PSEN1: variants seen among roughly 807,000 people sequenced by gnomAD.
PSEN1 encodes the protein presenilin 1.
PSEN1 carries 15 observed loss-of-function variants against 53.5 expected under a neutral mutation model. The ratio of observed to expected loss-of-function variants is 0.28; its 90% CI spans 0.19 to 0.43. The LOEUF (loss-of-function observed/expected upper bound fraction) is 0.43. Among genes scored for constraint, PSEN1 ranks in the 20% least tolerant of loss-of-function variants. The pLI, the probability that PSEN1 is intolerant of heterozygous loss-of-function variation, is 1.00. For synonymous variants in PSEN1, 208 were observed against 209.8 expected, an observed-to-expected ratio of 0.99 and a Z score of 0.08; for missense variants, 387 against 571.2, an observed-to-expected ratio of 0.68 and a Z score of 3.29.
chr14:73,138,084 C>A (rs1202560392), intron 1 of PSEN1: 1 of 150,276 alleles, frequency 6.7e-6, no homozygotes, highest in Non-Finnish European at 1.5e-5. Flanking sequence ...AAAAAAAAAA[C>A]CTGTTTTGTT....
chr14:73,179,823 A>G (rs1027286619), intron 5 of PSEN1, among the ~76,000 whole-genome samples: 1 of 152,104 alleles, frequency 6.6e-6, no homozygotes, highest in African/African-American at 2.4e-5. Context: ...ACCTCTCATT[A>G]CTTTTCATCT....
intron 5 of PSEN1, among the ~76,000 whole-genome samples, chr14:73,185,639 C>T (rs1051661645): frequency 2.0e-5 from 3 of 151,928 alleles, no homozygotes; most frequent in East Asian, 1.9e-4. Context: ...AGAGGGAGAG[C>T]GCTTAAAACA....
Position 73,201,415 on chromosome 14 carries a change from A to T in PSEN1, c.868+3286A>T, listed in dbSNP as rs150357761. 3.1e-3 allele frequency among the ~76,000 whole-genome samples: 479 copies of T among 152,238 alleles called. 2 individuals carry two copies. Among genetic ancestry groups the T allele is most frequent in the African/African-American group, 8.7e-3 (363 of 41,556 alleles). ...ATATCATTTTTTATAAAGAAGTCAA[A>T]GGTAATGAGGACTAAGTAAAACCAT... On this transcript the variant is annotated intron_variant, in intron 8 of 11. Transcript: ENST00000324501.
intron 3 of PSEN1, among the ~76,000 whole-genome samples, chr14:73,152,057 G>T (rs1435166733): frequency 6.7e-6 from 1 of 149,990 alleles, no homozygotes; most frequent in South Asian, 2.1e-4. Context: ...GACTACAGGC[G>T]CCCGCCACCA....
chr14:73,204,794 T>C lies in PSEN1; in HGVS notation c.869-1592T>C, dbSNP rs145607385. ...GCTCATGCCTGTAATCCTAGCACTT[T>C]GGGAGGCTGAGGCGGGAGGATTGCT... On this transcript the variant is annotated intron_variant, in intron 8 of 11. Coordinates refer to ENST00000324501, the MANE Select transcript of PSEN1 (RefSeq NM_000021.4). 8.2e-3 allele frequency among the ~76,000 whole-genome samples: 1,247 copies of C among 152,288 alleles called. 21 individuals carry two copies. The highest frequency in any genetic ancestry group is 0.029 in the African/African-American group (1,191 of 41,554).
At chr14:73,173,061 G>A (rs765979077) in intron 4 of PSEN1, among the ~76,000 whole-genome samples, 3 of 152,132 alleles carry the variant, frequency 2.0e-5, no homozygotes, top group Non-Finnish European at 2.9e-5. Flanking sequence ...TTGGCACCTG[G>A]AATAAAAATG....
chr14:73,187,962 G>T (rs1229765378), intron 6 of PSEN1, among the ~76,000 whole-genome samples: 3 of 151,486 alleles, frequency 2.0e-5, no homozygotes, highest in African/African-American at 7.3e-5. Flanking sequence ...TGAGTCTCAC[G>T]CTGTTGCCCA....
intron 1 of PSEN1, chr14:73,138,189 CTATTATT>C (rs1200511275): frequency 1.4e-5 from 2 of 142,022 alleles, no homozygotes; most frequent in Non-Finnish European, 3.0e-5. Context: ...AATAAACATA[CTATTATT>C]TATTTATTTA....
chr14:73,139,948 T>C (rs1048350410), intron 1 of PSEN1, among the ~76,000 whole-genome samples: 1 of 152,212 alleles, frequency 6.6e-6, no homozygotes, highest in African/African-American at 2.4e-5. Context: ...CAGGCAATGC[T>C]AAATATAACA....
chr14:73,213,355 C>T (rs894128236), intron 10 of PSEN1, among the ~76,000 whole-genome samples: 4 of 151,994 alleles, frequency 2.6e-5, no homozygotes, highest in Non-Finnish European at 2.9e-5. Flanking sequence ...TCTAATTTGA[C>T]GATTCCCTCT....
chr14:73,194,332 G>A (rs951415768), intron 7 of PSEN1, among the ~76,000 whole-genome samples: 6 of 151,642 alleles, frequency 4.0e-5, no homozygotes, highest in Non-Finnish European at 5.9e-5. Context: ...GCTTACTGCA[G>A]CCTCAAACCC....
In PSEN1 at chr14:73,174,868, C is replaced by T. The variant is rs993617870; in HGVS notation, c.480+1161C>T. Reference sequence around the variant, plus strand: ...GACCCACCCTTCTCAGCCTCTCCTCCCCTAGCTCGCTCTTTTGCCAAAGTG... The same window carrying T: ...GACCCACCCTTCTCAGCCTCTCCTCTCCTAGCTCGCTCTTTTGCCAAAGTG... On this transcript the variant is annotated intron_variant, in intron 5 of 11. Coordinates refer to ENST00000324501, the MANE Select transcript of PSEN1 (RefSeq NM_000021.4). Among the ~76,000 whole-genome samples, 23 of 152,270 alleles carry T rather than the reference C, an allele frequency of 1.5e-4. No homozygotes were observed. The East Asian group carries it at 4.5e-3, about 29-fold the overall frequency.
In PSEN1 at chr14:73,173,686, G is replaced by T. The variant is rs753457678; in HGVS notation, c.459G>T (p.Leu153=). The T allele has an allele frequency of 4.3e-5, 70 of 1,614,002 alleles. No homozygotes were observed. The highest frequency in any genetic ancestry group is 5.6e-5 in the Non-Finnish European group (66 of 1,180,002). ...TCATGACTATCCTCCTGGTGGTTCT[G>T]TATAAATACAGGTGCTATAAGGTGA... ...IVVMTILLVV[L]YKYRCYKVIH... The change falls in exon 5 of 12, where the codon CTG becomes CTT. Residue 153 remains leucine, a synonymous_variant. Transcript: ENST00000324501.
At chr14:73,160,558 G>A (rs904189097) in intron 3 of PSEN1, among the ~76,000 whole-genome samples, 1 of 151,936 alleles carries the variant, frequency 6.6e-6, no homozygotes, top group African/African-American at 2.4e-5. Flanking sequence ...CTTTACCACC[G>A]CTTGTTACTT....
chr14:73,214,773 G>A (rs901686682), intron 10 of PSEN1, among the ~76,000 whole-genome samples: 2 of 152,086 alleles, frequency 1.3e-5, no homozygotes, highest in South Asian at 2.1e-4. Context: ...GTTGCCAGGG[G>A]TTAAGGGGAG....
chr14:73,196,454 T>G (rs942201039), intron 7 of PSEN1, among the ~76,000 whole-genome samples: 21 of 148,876 alleles, frequency 1.4e-4, no homozygotes, highest in African/African-American at 5.1e-4. Context: ...TGAAGAGACA[T>G]GACCACTTTG....
intron 1 of PSEN1, among the ~76,000 whole-genome samples, chr14:73,142,079 A>G (rs7359038): frequency 0.012 from 1,808 of 151,952 alleles, 39 homozygotes; most frequent in African/African-American, 0.04. Flanking sequence ...AAAAAAAAAA[A>G]AGAAAAGAAA....
At position 73,188,654 on chromosome 14, in the gene PSEN1, C is replaced by A. The variant is rs568420160; in HGVS notation, c.548+1734C>A. Among the ~76,000 whole-genome samples the A allele has an allele frequency of 6.6e-5, 10 of 152,228 alleles. No homozygotes were observed. The South Asian group carries it at 1.2e-3, about 19-fold the overall frequency. The stretch of plus-strand genomic sequence containing the variant: ...TCAGTCTCTAAAAATAAATAAATAA[C>A]TAAATCTCTAACATTATAAAATGTA... On this transcript the variant is annotated intron_variant, in intron 6 of 11. Transcript: ENST00000324501.
intron 9 of PSEN1, among the ~76,000 whole-genome samples, chr14:73,208,151 G>A (rs577718050): frequency 3.9e-5 from 6 of 152,146 alleles, no homozygotes; most frequent in East Asian, 1.9e-4. Context: ...TGGACTCCCC[G>A]AAGGGCCACA....
Sources: allele counts gnomAD v4.1 joint callset (sites outside exome capture counted in the v4.1 genomes callset), GRCh38; gene constraint gnomAD v4.1.1; transcripts MANE v1.5; gene names NCBI Gene and HGNC (gene_info 2026-07-23, HGNC 2026-07-21).